DAB1: variants seen among roughly 807,000 people sequenced by gnomAD.
DAB1 encodes DAB adaptor protein 1, also known as disabled homolog 1.
DAB1 carries 15 observed loss-of-function variants against 64.6 expected under a neutral mutation model. That is an observed-to-expected ratio of 0.23 (90% CI 0.16 to 0.36). The LOEUF is 0.36. Among genes scored for constraint, DAB1 ranks in the 10% least tolerant of loss-of-function variants. The pLI, the probability that DAB1 is intolerant of heterozygous loss-of-function variation, is 1.00. For missense variants in DAB1, 596 were observed against 706.7 expected (o/e 0.84, Z 1.78); for synonymous variants, 235 against 251.9 (o/e 0.93, Z 0.64).
At chr1:57,034,864 AC>A (rs1219809380) in intron 9 of DAB1, among the ~76,000 whole-genome samples, 10 of 152,144 alleles carry the variant, frequency 6.6e-5, no homozygotes, top group African/African-American at 2.4e-4. Context: ...ATTTGCTTTC[AC>A]CCTGTCTATA....
intron 1 of DAB1, among the ~76,000 whole-genome samples, chr1:57,302,060 A>G (rs1673707908): frequency 6.6e-6 from 1 of 152,184 alleles, no homozygotes; most frequent in African/African-American, 2.4e-5. Context: ...TAGCTTGCTA[A>G]TGATTTGCTA....
chr1:57,744,935 T>C (rs1292510985), intron 6 of DAB1, among the ~76,000 whole-genome samples: 3 of 152,154 alleles, frequency 2.0e-5, no homozygotes, highest in Non-Finnish European at 4.4e-5. Context: ...TGGAAAACTG[T>C]GTTTTTCACA....
intron 4 of DAB1, among the ~76,000 whole-genome samples, chr1:58,249,266 T>A (rs765143751): frequency 2.4e-4 from 36 of 151,888 alleles, no homozygotes; most frequent in Non-Finnish European, 4.4e-4. Context: ...TAATCTTAAA[T>A]TCCCAGAAAT....
chr1:57,241,768 T>A (rs929007838), intron 2 of DAB1, among the ~76,000 whole-genome samples: 1 of 152,170 alleles, frequency 6.6e-6, no homozygotes, highest in Non-Finnish European at 1.5e-5. Context: ...TTGGCTGAGA[T>A]CTTCCATGGA....
intron 4 of DAB1, among the ~76,000 whole-genome samples, chr1:57,134,734 G>A (rs778222102): frequency 1.3e-5 from 2 of 152,052 alleles, no homozygotes; most frequent in Non-Finnish European, 2.9e-5. Flanking sequence ...GAGATAATAG[G>A]CATCATTGTT....
At chr1:57,517,818 T>A (rs575418606) in intron 7 of DAB1, among the ~76,000 whole-genome samples, 70 of 152,210 alleles carry the variant, frequency 4.6e-4, no homozygotes, top group Non-Finnish European at 9.0e-4. Flanking sequence ...TTCTCCACAT[T>A]GTTTTCTGCA....
At chr1:57,280,776 A>T (rs1285540041) in intron 2 of DAB1, among the ~76,000 whole-genome samples, 2 of 152,190 alleles carry the variant, frequency 1.3e-5, no homozygotes, top group African/African-American at 4.8e-5. Flanking sequence ...TGAATGCCAC[A>T]TAATAAGAAT....
intron 3 of DAB1, among the ~76,000 whole-genome samples, chr1:57,142,785 G>A (rs1007039706): frequency 6.6e-6 from 1 of 152,152 alleles, no homozygotes; most frequent in Non-Finnish European, 1.5e-5. Flanking sequence ...TTGAGGTGCT[G>A]TGTGACCGAT....
At chr1:58,338,174 T>C (rs776853282) in intron 4 of DAB1, among the ~76,000 whole-genome samples, 3 of 152,124 alleles carry the variant, frequency 2.0e-5, no homozygotes, top group Non-Finnish European at 4.4e-5. Context: ...TGTTTGAAAA[T>C]AAAAGACAAA....
chr1:58,268,790 A>C (rs1380888302), intron 4 of DAB1, among the ~76,000 whole-genome samples: 3 of 152,192 alleles, frequency 2.0e-5, no homozygotes, highest in African/African-American at 7.2e-5. Flanking sequence ...AAATCTTAAA[A>C]GTCCCCAAAT....
chr1:57,207,686 C>T (rs921539116), intron 2 of DAB1, among the ~76,000 whole-genome samples: 4 of 151,582 alleles, frequency 2.6e-5, no homozygotes, highest in South Asian at 2.1e-4. Context: ...CCTCGTGATC[C>T]GCCCGCCTCG....
At chr1:58,506,251 T>C (rs755932285) in intron 2 of DAB1, 2 of 821,606 alleles carry the variant, frequency 2.4e-6, no homozygotes, top group Non-Finnish European at 4.2e-6. Flanking sequence ...AGCTCAGTTT[T>C]GAGGATTTTT....
At chr1:57,235,782 G>A (rs1668044883) in intron 2 of DAB1, among the ~76,000 whole-genome samples, 1 of 151,548 alleles carries the variant, frequency 6.6e-6, no homozygotes. Flanking sequence ...AGGCACAAAG[G>A]AATCGCTTGC....
intron 7 of DAB1, among the ~76,000 whole-genome samples, chr1:57,452,132 AG>A (rs1288992650): frequency 7.1e-6 from 1 of 141,650 alleles, no homozygotes; most frequent in Non-Finnish European, 1.5e-5. Context: ...GCTATTATTT[AG>A]AGCTTAGGAT....
At chr1:57,947,582 T>A (rs1645202675) in intron 5 of DAB1, among the ~76,000 whole-genome samples, 1 of 152,076 alleles carries the variant, frequency 6.6e-6, no homozygotes, top group African/African-American at 2.4e-5. Context: ...AAGAAAACTC[T>A]CTCCCACATG....
At chr1:58,071,508 T>A (rs1649261662) in intron 5 of DAB1, 1 of 152,152 alleles carries the variant, frequency 6.6e-6, no homozygotes, top group Admixed American at 6.5e-5. Flanking sequence ...AAAGGCATGG[T>A]GTCATTGCTT....
intron 4 of DAB1, among the ~76,000 whole-genome samples, chr1:58,276,752 T>TTAGA (rs1491395617): frequency 2.0e-5 from 3 of 152,182 alleles, no homozygotes; most frequent in African/African-American, 7.2e-5. Context: ...AGTGCATAAA[T>TTAGA]TATCTAAGTC....
chr1:57,057,800 G>A (rs1399769055), intron 9 of DAB1, among the ~76,000 whole-genome samples: 1 of 151,788 alleles, frequency 6.6e-6, no homozygotes. Context: ...AGTAGAGACG[G>A]GGTTTCACTG....
chr1:57,397,663 A>AT (rs1428517231), intron 1 of DAB1, among the ~76,000 whole-genome samples: 1 of 152,218 alleles, frequency 6.6e-6, no homozygotes, highest in Non-Finnish European at 1.5e-5. Flanking sequence ...AGAGACAGGA[A>AT]TTCATGATCA....
Sources: gnomAD v4.1 joint callset for allele counts (sites outside exome capture counted in the v4.1 genomes callset) on GRCh38, gnomAD v4.1.1 for gene constraint, MANE v1.5 for transcripts, NCBI Gene and HGNC (gene_info 2026-07-23, HGNC 2026-07-21) for gene names.